The following SGK1 variants were observed in gnomAD, a reference collection of about 807,000 sequenced individuals.
SGK1 encodes the protein serum/glucocorticoid regulated kinase 1.
Under a neutral mutation model 64.2 loss-of-function variants are expected in SGK1, and 26 were observed. The observed-to-expected ratio is 0.40, with a 90% CI of 0.30 to 0.56. SGK1 has a LOEUF of 0.56. SGK1 is among the 20% of genes least tolerant of loss of function. The pLI, the probability that SGK1 is intolerant of heterozygous loss-of-function variation, is 0.38. For missense variants in SGK1, 519 were observed against 645.6 expected, an observed-to-expected ratio of 0.80 and a Z score of 2.12; for synonymous variants, 265 against 239.7, an observed-to-expected ratio of 1.11 and a Z score of -0.98.
chr6:134,233,124 A>G (rs1444291601), intron 2 of SGK1, among the ~76,000 whole-genome samples: 1 of 152,118 alleles, frequency 6.6e-6, no homozygotes, highest in African/African-American at 2.4e-5. Context: ...AGTTTAGGAA[A>G]TGGAGTAGAG....
At chr6:134,278,687 C>T (rs1019256863) in intron 1 of SGK1, among the ~76,000 whole-genome samples, 1 of 151,676 alleles carries the variant, frequency 6.6e-6, no homozygotes. Flanking sequence ...GGAGGACAGT[C>T]AAAGCTAACA....
At chr6:134,196,765 C>CA (rs1410245756) in intron 3 of SGK1, among the ~76,000 whole-genome samples, 1 of 152,140 alleles carries the variant, frequency 6.6e-6, no homozygotes, top group Non-Finnish European at 1.5e-5. Flanking sequence ...TACGGGATGC[C>CA]AAAAACCACG....
At chr6:134,185,450 T>C (rs895866627) in intron 3 of SGK1, among the ~76,000 whole-genome samples, 3 of 152,160 alleles carry the variant, frequency 2.0e-5, no homozygotes, top group Non-Finnish European at 4.4e-5. Flanking sequence ...CATAGCAGAA[T>C]GGCCATCAGG....
At chr6:134,208,232 A>G (rs1027615526) in intron 2 of SGK1, among the ~76,000 whole-genome samples, 2 of 152,196 alleles carry the variant, frequency 1.3e-5, no homozygotes, top group African/African-American at 4.8e-5. Flanking sequence ...TTTTATAATC[A>G]TAACAGGATC....
chr6:134,309,145 A>G (rs767504249), intron 1 of SGK1, among the ~76,000 whole-genome samples: 7 of 152,224 alleles, frequency 4.6e-5, no homozygotes, highest in Non-Finnish European at 8.8e-5. Flanking sequence ...GGCACCTCGA[A>G]CTACCAAATA....
intron 2 of SGK1, among the ~76,000 whole-genome samples, chr6:134,253,766 T>A (rs1249040738): frequency 6.6e-6 from 1 of 152,218 alleles, no homozygotes; most frequent in Non-Finnish European, 1.5e-5. Flanking sequence ...TTTAATTATG[T>A]CAACAACTCA....
chr6:134,240,470 A>T lies in SGK1; in HGVS notation c.285+21463T>A, dbSNP rs574269559. Among the ~76,000 whole-genome samples the T allele has an allele frequency of 2.0e-5, 3 of 151,600 alleles. No individual in the cohort carries two copies. The South Asian group carries it at 6.3e-4, about 32-fold the overall frequency. On this transcript the variant is annotated intron_variant, in intron 2 of 13. Coordinates refer to ENST00000367858, the MANE Select transcript of SGK1 (RefSeq NM_001143676.3). ...TAATGTAGGGAAAGGCATTTTGGCC[A>T]GTTAAATATTGTTCGGAATCCTGGC... is the stretch of plus-strand genomic sequence containing the variant.
chr6:134,173,194 C>T, intron 7 of SGK1, 40 bp from the exon 8 acceptor site: 1 of 1,610,218 alleles, frequency 6.2e-7, no homozygotes, highest in South Asian at 1.1e-5. Context: ...CATGTTTCAA[C>T]TTGGCACCAA....
At position 134,264,512 on chromosome 6, in the gene SGK1, A is replaced by T. The variant is rs112239397; in HGVS notation, c.70-2364T>A. On this transcript the variant is annotated intron_variant, in intron 1 of 13. Coordinates refer to ENST00000367858, the MANE Select transcript of SGK1 (RefSeq NM_001143676.3). ...TATTTTGATTTACTATTTCACTTTC[A>T]TGCTCTTCAAAACTCCTGAGGATTC... 9.6e-3 allele frequency among the ~76,000 whole-genome samples: 1,466 copies of T among 152,238 alleles called. 24 individuals are homozygous for T. Among genetic ancestry groups the T allele is most frequent in the African/African-American group, 0.033 (1,385 of 41,546 alleles).
intron 2 of SGK1, among the ~76,000 whole-genome samples, chr6:134,209,023 C>T (rs1325784256): frequency 1.3e-5 from 2 of 152,004 alleles, no homozygotes; most frequent in African/African-American, 4.8e-5. Context: ...AATCTGCATA[C>T]TGTTTTCCAT....
chr6:134,270,578 G>A (rs1390267108), intron 1 of SGK1, among the ~76,000 whole-genome samples: 2 of 148,216 alleles, frequency 1.3e-5, no homozygotes, highest in Admixed American at 1.4e-4. Flanking sequence ...AGAAGATGGA[G>A]TGACTTTTAG....
intron 2 of SGK1, among the ~76,000 whole-genome samples, chr6:134,220,048 G>C (rs1277673313): frequency 1.4e-5 from 1 of 69,566 alleles, no homozygotes; most frequent in Non-Finnish European, 2.5e-5. Flanking sequence ...GACAGAGCGA[G>C]ACTCCGTCTC....
At position 134,173,568 on chromosome 6, in the gene SGK1, T is replaced by C; in HGVS notation, c.514-2A>G. 1 of 1,555,730 alleles carries C rather than the reference T, an allele frequency of 6.4e-7. No homozygotes were observed. Among genetic ancestry groups the C allele is most frequent in the Admixed American group, 2.0e-5 (1 of 49,074 alleles). ...GTTGATTTGCTGAGAAGGACTTGGC[T>C]AGAAAAAAAAAAAAAGAATTTCTTT... On this transcript the variant is annotated splice_acceptor_variant, in intron 5 of 13. Transcript: ENST00000367858. LOFTEE classifies it high-confidence loss of function.
intron 2 of SGK1, among the ~76,000 whole-genome samples, chr6:134,251,391 T>C (rs1339131241): frequency 6.6e-6 from 1 of 152,142 alleles, no homozygotes; most frequent in Non-Finnish European, 1.5e-5. Flanking sequence ...AGCCATATGG[T>C]TTCTGGGAAG....
At chr6:134,238,896 A>G (rs138476603) in intron 2 of SGK1, among the ~76,000 whole-genome samples, 275 of 152,328 alleles carry the variant, frequency 1.8e-3, no homozygotes, top group Middle Eastern at 3.4e-3. Context: ...TCAGACGGCC[A>G]CCAATCTATT....
intron 1 of SGK1, among the ~76,000 whole-genome samples, chr6:134,301,810 T>C (rs1777462431): frequency 6.6e-6 from 1 of 152,114 alleles, no homozygotes; most frequent in Non-Finnish European, 1.5e-5. Flanking sequence ...TTGCCCAGGC[T>C]GGTCTTGAAC....
At chr6:134,218,119 G>A (rs930837756) in intron 2 of SGK1, among the ~76,000 whole-genome samples, 3 of 152,112 alleles carry the variant, frequency 2.0e-5, no homozygotes, top group Non-Finnish European at 4.4e-5. Flanking sequence ...ACCTGAAGGG[G>A]GTCTTTTATT....
At chr6:134,244,871 G>A (rs1250831448) in intron 2 of SGK1, among the ~76,000 whole-genome samples, 2 of 152,308 alleles carry the variant, frequency 1.3e-5, no homozygotes, top group African/African-American at 4.8e-5. Context: ...TGCCTCCCAG[G>A]TTCAAGTGAT....
chr6:134,194,985 C>T (rs1775575493), intron 3 of SGK1, among the ~76,000 whole-genome samples: 1 of 152,154 alleles, frequency 6.6e-6, no homozygotes, highest in African/African-American at 2.4e-5. Context: ...ACTTTTTGAT[C>T]TGCTGCCATA....
Sources: allele counts gnomAD v4.1 joint callset (sites outside exome capture counted in the v4.1 genomes callset), GRCh38; gene constraint gnomAD v4.1.1; transcripts MANE v1.5; gene names NCBI Gene and HGNC (gene_info 2026-07-23, HGNC 2026-07-21).